The following IMMP1L variants were observed in gnomAD, a reference collection of about 807,000 sequenced individuals.
The protein encoded by IMMP1L is mitochondrial inner membrane protease subunit 1.
A neutral mutation model predicts 21.8 loss-of-function variants in IMMP1L; 24 were observed. The observed-to-expected ratio is 1.10, with a 90% CI of 0.80 to 1.55. IMMP1L has a LOEUF of 1.55. Among genes scored for constraint, IMMP1L ranks in the 40% most tolerant of loss-of-function variants. The pLI, the probability that IMMP1L is intolerant of heterozygous loss-of-function variation, is 0.00. For synonymous variants in IMMP1L, 46 were observed against 62.8 expected (o/e 0.73, Z 1.26); for missense variants, 195 against 200.7 (o/e 0.97, Z 0.17).
rs372630102 is a variant in IMMP1L at position 31,439,321 on chromosome 11, T to C, written c.322-5751A>G. On this transcript the variant is annotated intron_variant, in intron 4 of 5. Coordinates refer to ENST00000532287, the MANE Select transcript of IMMP1L (RefSeq NM_001304274.2). Reference sequence around the variant, plus strand: ...TCCTTTCCTTCAGTTTGTATACTTTTAATTGCTGTCTTCAAATTCCCAGAT... The same window carrying C: ...TCCTTTCCTTCAGTTTGTATACTTTCAATTGCTGTCTTCAAATTCCCAGAT... Among the ~76,000 whole-genome samples the C allele has an allele frequency of 1.8e-4, 28 of 152,272 alleles. No homozygotes were observed. The East Asian group carries it at 3.3e-3, about 18-fold the overall frequency.
At chr11:31,492,621 T>C (rs1955293527) in intron 1 of IMMP1L, among the ~76,000 whole-genome samples, 2 of 152,332 alleles carry the variant, frequency 1.3e-5, no homozygotes, top group South Asian at 2.1e-4. Context: ...AAATATGCCA[T>C]GCTTTCTTTC....
At chr11:31,470,434 C>CAAAAAAAA (rs1027463461) in intron 1 of IMMP1L, among the ~76,000 whole-genome samples, 2 of 128,094 alleles carry the variant, frequency 1.6e-5, no homozygotes, top group Non-Finnish European at 3.3e-5. Context: ...AAACAAAAAA[C>CAAAAAAAA]AAAAAAAAAA....
chr11:31,433,725 C>G (rs1357497322), intron 4 of IMMP1L, 155 bp from the exon 5 acceptor site: 10 of 451,924 alleles, frequency 2.2e-5, no homozygotes, highest in Non-Finnish European at 3.9e-5. Context: ...GCTTTTATTT[C>G]TTGCACAATA....
In IMMP1L at chr11:31,463,235, G is replaced by C. The variant is rs150556583; in HGVS notation, c.42C>G (p.Gly14=). The part of the protein sequence containing the change: ...GVLGKTFRLV[G]YTIQYGCIAH... ...CTATACAGCCATATTGAATAGTATA[G>C]CCAACAAGTCGAAAGGTTTTCCCCA... The change falls in exon 2 of 6, where the codon GGC becomes GGG. Residue 14 remains glycine (G), a synonymous_variant. Coordinates refer to ENST00000532287, the MANE Select transcript of IMMP1L (RefSeq NM_001304274.2). 508 of 1,612,608 alleles carry C rather than the reference G, an allele frequency of 3.2e-4. No homozygotes were observed. In the African/African-American group the frequency reaches 5.7e-3, roughly 18 times the overall value.
chr11:31,455,066 C>T (rs537441254), intron 4 of IMMP1L, among the ~76,000 whole-genome samples: 3 of 152,234 alleles, frequency 2.0e-5, no homozygotes, highest in South Asian at 2.1e-4. Flanking sequence ...ACAATTACTG[C>T]GTATTTAGCA....
chr11:31,452,769 A>T (rs1953798881), intron 4 of IMMP1L: 1 of 1,006,362 alleles, frequency 9.9e-7, no homozygotes, highest in Non-Finnish European at 1.2e-6. Flanking sequence ...TCTTTTCTTG[A>T]GACGGAGTTT....
chr11:31,466,708 T>C (rs893311247), intron 1 of IMMP1L, among the ~76,000 whole-genome samples: 2 of 151,850 alleles, frequency 1.3e-5, no homozygotes, highest in African/African-American at 4.8e-5. Flanking sequence ...CTTAAAAAAA[T>C]ATTGAGCCTA....
At chr11:31,488,893 A>G (rs1228489456) in intron 1 of IMMP1L, among the ~76,000 whole-genome samples, 1 of 151,374 alleles carries the variant, frequency 6.6e-6, no homozygotes, top group Non-Finnish European at 1.5e-5. Context: ...TTTTATATAT[A>G]TTTATTTATT....
At chr11:31,492,667 T>C (rs1431094445) in intron 1 of IMMP1L, among the ~76,000 whole-genome samples, 1 of 152,198 alleles carries the variant, frequency 6.6e-6, no homozygotes, top group East Asian at 1.9e-4. Flanking sequence ...AAGACCACTG[T>C]ATGGTTAATT....
At chr11:31,505,964 T>C (rs1212735864) in intron 1 of IMMP1L, among the ~76,000 whole-genome samples, 4 of 152,214 alleles carry the variant, frequency 2.6e-5, no homozygotes, top group Non-Finnish European at 5.9e-5. Context: ...AGTAGACTAT[T>C]AGCAGTTAAG....
intron 1 of IMMP1L, among the ~76,000 whole-genome samples, chr11:31,495,759 T>C (rs896080041): frequency 1.3e-5 from 2 of 152,114 alleles, no homozygotes; most frequent in Admixed American, 1.3e-4. Flanking sequence ...GCCAAGACCA[T>C]TCAATGGGGA....
intron 1 of IMMP1L, among the ~76,000 whole-genome samples, chr11:31,492,070 G>A (rs1221045694): frequency 6.6e-6 from 1 of 152,170 alleles, no homozygotes; most frequent in African/African-American, 2.4e-5. Context: ...GAGTGAGCCT[G>A]TCCTGAGAAG....
chr11:31,471,602 C>T (rs1204311941), intron 1 of IMMP1L, among the ~76,000 whole-genome samples: 1 of 152,026 alleles, frequency 6.6e-6, no homozygotes, highest in Non-Finnish European at 1.5e-5. Flanking sequence ...AGTACTTCCT[C>T]CAATGTAATA....
At position 31,442,053 on chromosome 11, in the gene IMMP1L, C is replaced by T. The variant is rs370260670; in HGVS notation, c.322-8483G>A. ...TGCCATAAACTGTTTTAATTTTGCC[C>T]AAACCTGAATTCTCCATGTGCCTCA... On this transcript the variant is annotated intron_variant, in intron 4 of 5. Coordinates refer to ENST00000532287, the MANE Select transcript of IMMP1L (RefSeq NM_001304274.2). Among the ~76,000 whole-genome samples the T allele has an allele frequency of 3.3e-5, 5 of 152,198 alleles. No individual in the cohort carries two copies. In the East Asian group the frequency reaches 7.7e-4, roughly 23 times the overall value.
At chr11:31,449,123 C>T in intron 4 of IMMP1L, 1 of 975,996 alleles carries the variant, frequency 1.0e-6, no homozygotes, top group Non-Finnish European at 1.2e-6. Flanking sequence ...TTTAGATACT[C>T]TAGTTGTAAT....
intron 3 of IMMP1L, among the ~76,000 whole-genome samples, chr11:31,458,127 G>A (rs1477675850): frequency 2.0e-5 from 3 of 151,842 alleles, no homozygotes; most frequent in East Asian, 3.9e-4. Context: ...CACTCGAATG[G>A]CAACATAGAA....
At chr11:31,433,125 G>C (rs539864741) in intron 5 of IMMP1L, among the ~76,000 whole-genome samples, 25 of 152,188 alleles carry the variant, frequency 1.6e-4, no homozygotes, top group Admixed American at 2.6e-4. Context: ...AATCTAGACT[G>C]TTCTTCTGCA....
chr11:31,477,633 G>A (rs1592007637), intron 1 of IMMP1L: 3 of 693,636 alleles, frequency 4.3e-6, no homozygotes, highest in Non-Finnish European at 5.3e-6. Context: ...AGCGCCAGGT[G>A]GCTTTTTCTG....
At chr11:31,468,183 A>G (rs1954426295) in intron 1 of IMMP1L, among the ~76,000 whole-genome samples, 1 of 152,172 alleles carries the variant, frequency 6.6e-6, no homozygotes, top group Non-Finnish European at 1.5e-5. Context: ...CATGGGGACA[A>G]CTGGGTAAAT....
Sources: gnomAD v4.1 joint callset for allele counts (sites outside exome capture counted in the v4.1 genomes callset) on GRCh38, gnomAD v4.1.1 for gene constraint, MANE v1.5 for transcripts, NCBI Gene and HGNC (gene_info 2026-07-23, HGNC 2026-07-21) for gene names.